ZRANB1: variants seen among roughly 807,000 people sequenced by gnomAD.
The protein encoded by ZRANB1 is ubiquitin thioesterase ZRANB1.
ZRANB1 carries 16 observed loss-of-function variants against 80.5 expected under a neutral mutation model. The ratio of observed to expected loss-of-function variants is 0.20; its 90% confidence interval spans 0.13 to 0.30. The LOEUF (loss-of-function observed/expected upper bound fraction) is 0.30. Ranked by LOEUF, ZRANB1 falls within the 10% of genes least tolerant of loss-of-function variation. ZRANB1 has a pLI of 1.00. For missense variants in ZRANB1, 576 were observed against 862.6 expected, an observed-to-expected ratio of 0.67 and a Z score of 4.16; for synonymous variants, 291 against 293.1, an observed-to-expected ratio of 0.99 and a Z score of 0.07.
chr10:124,926,461 G>GC, the ZRANB1 span, among the ~76,000 whole-genome samples: 1 of 152,206 alleles, frequency 6.6e-6, no homozygotes, highest in East Asian at 1.9e-4. Flanking sequence ...GTTAGCTTAG[G>GC]CCTACACAGG....
intron 1 of ZRANB1, among the ~76,000 whole-genome samples, chr10:124,955,758 C>A (rs1951683790): frequency 6.6e-6 from 1 of 152,076 alleles, no homozygotes; most frequent in Admixed American, 6.6e-5. Flanking sequence ...CATTTTATGT[C>A]ATGATTTTTA....
At chr10:124,945,374 A>C (rs1951571346) in intron 1 of ZRANB1, 1 of 140,146 alleles carries the variant, frequency 7.1e-6, no homozygotes, top group South Asian at 2.2e-4. Context: ...ATTGTCTTTT[A>C]ATTGCTTGTA....
chr10:124,949,336 T>C (rs1327790188), intron 1 of ZRANB1, among the ~76,000 whole-genome samples: 1 of 151,816 alleles, frequency 6.6e-6, no homozygotes, highest in Non-Finnish European at 1.5e-5. Flanking sequence ...GGAGCTGAGA[T>C]TTGGTTGGGG....
intron 1 of ZRANB1, among the ~76,000 whole-genome samples, chr10:124,961,136 A>C (rs1371585706): frequency 6.6e-6 from 1 of 151,802 alleles, no homozygotes; most frequent in Non-Finnish European, 1.5e-5. Flanking sequence ...CGAGTAGCTG[A>C]GATGACAGGC....
At chr10:124,936,426 G>C in the ZRANB1 span, among the ~76,000 whole-genome samples, 1 of 152,200 alleles carries the variant, frequency 6.6e-6, no homozygotes, top group Non-Finnish European at 1.5e-5. Flanking sequence ...TTCTCTGCTG[G>C]GTGCAGAGGT....
intron 1 of ZRANB1, among the ~76,000 whole-genome samples, chr10:124,963,549 TGTTTG>T (rs1564962029): frequency 3.8e-4 from 48 of 126,650 alleles, no homozygotes; most frequent in Middle Eastern, 4.2e-3. Flanking sequence ...TTTTTTTTTT[TGTTTG>T]TTTTTTTTTT....
chr10:124,929,144 CTT>C, the ZRANB1 span, among the ~76,000 whole-genome samples: 5 of 152,078 alleles, frequency 3.3e-5, no homozygotes, highest in African/African-American at 1.2e-4. Flanking sequence ...ATGAAGCAAA[CTT>C]TTGGGGACTT....
upstream of ZRANB1, among the ~76,000 whole-genome samples, chr10:124,938,905 A>G (rs1951511228): frequency 6.6e-6 from 1 of 152,080 alleles, no homozygotes; most frequent in Admixed American, 6.5e-5. Flanking sequence ...GGTCGGGCAT[A>G]GTGGCTCGCG....
intron 5 of ZRANB1, 128 bp from the exon 6 acceptor site, chr10:124,981,581 G>T (rs1011685896): frequency 1.1e-6 from 1 of 918,040 alleles, no homozygotes; most frequent in Non-Finnish European, 1.5e-6. Flanking sequence ...TTACCAACCA[G>T]ACAAAATAAA....
At chr10:124,984,387 GA>G (rs1327138563) in intron 8 of ZRANB1, 2 of 171,854 alleles carry the variant, frequency 1.2e-5, no homozygotes, top group Admixed American at 6.1e-5. Flanking sequence ...ACAACATGAA[GA>G]AAAAAAGTTC....
chr10:124,953,162 C>G (rs1951656610), intron 1 of ZRANB1, among the ~76,000 whole-genome samples: 1 of 145,346 alleles, frequency 6.9e-6, no homozygotes, highest in Non-Finnish European at 1.5e-5. Flanking sequence ...AAATTCCTGA[C>G]CTTGCCTCCT....
At chr10:124,943,557 G>T (rs112785914) in intron 1 of ZRANB1, among the ~76,000 whole-genome samples, 1 of 126,982 alleles carries the variant, frequency 7.9e-6, no homozygotes, top group Admixed American at 9.3e-5. Context: ...ATATATATAT[G>T]CGCAAAGTCA....
At chr10:124,929,596 C>G in the ZRANB1 span, among the ~76,000 whole-genome samples, 2 of 151,568 alleles carry the variant, frequency 1.3e-5, no homozygotes, top group African/African-American at 4.8e-5. Context: ...CCTCTGCCTC[C>G]CAAAGTGCTG....
chr10:124,951,126 A>C (rs569796116), intron 1 of ZRANB1, among the ~76,000 whole-genome samples: 2 of 152,308 alleles, frequency 1.3e-5, no homozygotes, highest in South Asian at 4.1e-4. Context: ...AGAATTACGT[A>C]TATAGATGGA....
chr10:124,983,812 G>A lies in ZRANB1; in HGVS notation c.1908+124G>A. On this transcript the variant is annotated intron_variant, in intron 8 of 8. Coordinates refer to ENST00000359653, the MANE Select transcript of ZRANB1 (RefSeq NM_017580.3). The surrounding 1 kb of genome is among the most constrained non-coding windows in gnomAD (Gnocchi z 6.2). Reference sequence around the variant, plus strand: ...ATTTCTGAATGTGATGGTAGTAATTGCTGAAGGTACTAGCTATACTTTGAA... The same window carrying A: ...ATTTCTGAATGTGATGGTAGTAATTACTGAAGGTACTAGCTATACTTTGAA... 1 of 710,700 alleles carries A rather than the reference G, an allele frequency of 1.4e-6. No homozygotes were observed. Among genetic ancestry groups the A allele is most frequent in the Non-Finnish European group, 2.3e-6 (1 of 432,500 alleles). The allele number at this position is 710,700 out of a possible 1,614,324, so 44.0% of individuals were successfully genotyped here.
intron 1 of ZRANB1, among the ~76,000 whole-genome samples, chr10:124,957,803 T>G (rs1402584103): frequency 6.6e-6 from 1 of 152,126 alleles, no homozygotes; most frequent in Admixed American, 6.5e-5. Context: ...CTGCGCTTGC[T>G]GCACCCTCTG....
chr10:124,942,504 G>T lies in ZRANB1; in HGVS notation c.11G>T (p.Arg4Leu). The T allele has an allele frequency of 6.2e-7, 1 of 1,614,170 alleles. No individual in the cohort carries two copies. Residue 4 changes from arginine to leucine, a missense_variant, in exon 1 of 9, where the codon CGT (arginine) becomes CTT (leucine). Arg to Leu is a moderately radical substitution (Grantham distance 102, BLOSUM62 -2). Transcript: ENST00000359653. MSE[R>L]GIKWACEYCT... is the part of the protein sequence containing the mutation. ...TTCAAGAAGTGCACAATGTCAGAAC[G>T]TGGAATTAAGTGGGCTTGTGAATAT...
intron 1 of ZRANB1, among the ~76,000 whole-genome samples, chr10:124,955,321 C>T (rs1951680520): frequency 6.6e-6 from 1 of 151,718 alleles, no homozygotes; most frequent in Non-Finnish European, 1.5e-5. Flanking sequence ...CTGCAACCTC[C>T]ACCTCCTGGG....
rs75520958 is a variant in ZRANB1, at chr10:124,973,010, T to C, written c.1157-635T>C. On this transcript the variant is annotated intron_variant, in intron 3 of 8. Coordinates refer to ENST00000359653, the MANE Select transcript of ZRANB1 (RefSeq NM_017580.3). The stretch of plus-strand genomic sequence containing the variant: ...TCAGGCTAGATCTCAGTGTTTTTAA[T>C]TTTTATGTTCAGACAAACGGATTTT... Among the ~76,000 whole-genome samples the C allele has an allele frequency of 3.5e-3, 533 of 152,274 alleles. 2 individuals carry two copies. Among genetic ancestry groups the C allele is most frequent in the African/African-American group, 0.012 (495 of 41,534 alleles).
Sources: gnomAD v4.1 joint callset for allele counts (sites outside exome capture counted in the v4.1 genomes callset) on GRCh38, gnomAD v4.1.1 for gene constraint, Gnocchi (gnomAD v3.1) non-coding constraint, MANE v1.5 for transcripts, NCBI Gene and HGNC (gene_info 2026-07-23, HGNC 2026-07-21) for gene names.